ABI2: variants seen among roughly 807,000 people sequenced by gnomAD.
ABI2 encodes abl interactor 2, also known as abelson interactor 2.
ABI2 carries 25 observed loss-of-function variants against 59.2 expected under a neutral mutation model. The observed-to-expected ratio is 0.42, with a 90% CI of 0.31 to 0.59. ABI2 has a LOEUF of 0.59. Among genes scored for constraint, ABI2 ranks in the 20% least tolerant of loss-of-function variants. The pLI is 0.14. For missense variants in ABI2, 545 were observed against 681.8 expected (o/e 0.80, Z 2.23); for synonymous variants, 213 against 235.5 (o/e 0.90, Z 0.87).
At chr2:203,372,570 C>A (rs1023273966) in intron 2 of ABI2, among the ~76,000 whole-genome samples, 1 of 150,250 alleles carries the variant, frequency 6.7e-6, no homozygotes, top group African/African-American at 2.5e-5. Flanking sequence ...GACCCCCCCA[C>A]CTCCCTCCCG....
At chr2:203,424,245 A>G (rs2098341242) in intron 11 of ABI2, among the ~76,000 whole-genome samples, 1 of 152,228 alleles carries the variant, frequency 6.6e-6, no homozygotes, top group Non-Finnish European at 1.5e-5. Context: ...AGTTACTTTG[A>G]TAAAAGTTTG....
At position 203,427,543 on chromosome 2, in the gene ABI2, A is replaced by G. The variant is rs887846985; in HGVS notation, c.*191A>G. The G allele has an allele frequency of 2.4e-5, 13 of 542,760 alleles. No individual in the cohort carries two copies. Among genetic ancestry groups the G allele is most frequent in the Admixed American group, 9.3e-5 (3 of 32,244 alleles). 33.6% of individuals were successfully genotyped at this position (542,760 alleles called of 1,614,324 possible). A position where few individuals can be genotyped will look rare whatever the true frequency, so the allele number is the denominator to read the frequency against. ...GTCTGAACAAATGGATCTTTCTGCCATCATTTGTACAATGCTGAGCTGTCT... is the reference window on the plus strand; with the variant it reads ...GTCTGAACAAATGGATCTTTCTGCCGTCATTTGTACAATGCTGAGCTGTCT... On this transcript the variant is annotated 3_prime_UTR_variant, in exon 12 of 12. Coordinates refer to ENST00000261018, the MANE Select transcript of ABI2 (RefSeq NM_001375670.1).
intron 2 of ABI2, among the ~76,000 whole-genome samples, chr2:203,370,003 A>G (rs1025894110): frequency 1.3e-5 from 2 of 152,168 alleles, no homozygotes; most frequent in African/African-American, 2.4e-5. Flanking sequence ...TCAGACTGGA[A>G]TATTATTCTC....
Position 203,331,348 on chromosome 2 carries a change from C to CTTTT in ABI2, c.117+2734_117+2737dup, listed in dbSNP as rs201209202. 2.2e-4 allele frequency among the ~76,000 whole-genome samples: 19 copies of CTTTT among 85,304 alleles called. 9 individuals are homozygous for CTTTT. The highest frequency in any genetic ancestry group is 3.6e-4 in the Non-Finnish European group (17 of 47,496). The allele number at this position is 85,304 out of a possible 152,430, so 56.0% of individuals were successfully genotyped here. ...TCAGTGATCAAATGGTCAATTTAGCCTTTTTTTTTTTTTTTTTTTTCTGAG... is the reference window on the plus strand; with the variant it reads ...TCAGTGATCAAATGGTCAATTTAGCCTTTTTTTTTTTTTTTTTTTTTTTTCTGAG... On this transcript the variant is annotated intron_variant, in intron 1 of 11. Coordinates refer to ENST00000261018, the MANE Select transcript of ABI2 (RefSeq NM_001375670.1).
At chr2:203,379,666 T>TA (rs1578113838) in intron 2 of ABI2, among the ~76,000 whole-genome samples, 2 of 152,336 alleles carry the variant, frequency 1.3e-5, no homozygotes, top group South Asian at 4.1e-4. Context: ...TCTTAATCAC[T>TA]ATATTAGTCT....
At chr2:203,393,229 A>G (rs1426562497) in intron 5 of ABI2, among the ~76,000 whole-genome samples, 1 of 152,006 alleles carries the variant, frequency 6.6e-6, no homozygotes, top group East Asian at 1.9e-4. Flanking sequence ...TAATTTTTGT[A>G]TTTTTAGTAG....
intron 1 of ABI2, among the ~76,000 whole-genome samples, chr2:203,348,415 A>G (rs952947063): frequency 1.3e-5 from 2 of 152,210 alleles, no homozygotes; most frequent in Admixed American, 6.5e-5. Context: ...TTAAGATGCA[A>G]TGGTGGAAAA....
At chr2:203,394,357 A>G (rs937345323) in intron 5 of ABI2, 1 of 193,584 alleles carries the variant, frequency 5.2e-6, no homozygotes, top group African/African-American at 2.4e-5. Flanking sequence ...CAGTTGGGAG[A>G]CTTTAATATG....
chr2:203,418,261 G>T (rs1044689611), intron 11 of ABI2, among the ~76,000 whole-genome samples: 1 of 152,200 alleles, frequency 6.6e-6, no homozygotes, highest in Non-Finnish European at 1.5e-5. Flanking sequence ...GTTGTGTATT[G>T]CTACCTAACA....
chr2:203,373,262 A>G (rs959589786), intron 2 of ABI2, among the ~76,000 whole-genome samples: 1 of 152,186 alleles, frequency 6.6e-6, no homozygotes, highest in African/African-American at 2.4e-5. Context: ...GGAGCTGGAG[A>G]CCAGCCCGGC....
intron 1 of ABI2, among the ~76,000 whole-genome samples, chr2:203,336,160 T>C (rs1221458300): frequency 6.6e-6 from 1 of 152,238 alleles, no homozygotes; most frequent in East Asian, 1.9e-4. Flanking sequence ...TGAGTAATAT[T>C]CTAGAGTATG....
At chr2:203,379,816 T>C (rs1168180573) in intron 2 of ABI2, among the ~76,000 whole-genome samples, 1 of 152,190 alleles carries the variant, frequency 6.6e-6, no homozygotes, top group African/African-American at 2.4e-5. Flanking sequence ...GCCATTACAG[T>C]GTAAAGCCTA....
chr2:203,383,457 T>C (rs1368960412), intron 4 of ABI2, among the ~76,000 whole-genome samples: 1 of 152,172 alleles, frequency 6.6e-6, no homozygotes, highest in Non-Finnish European at 1.5e-5. Context: ...ACCATTGATG[T>C]GTTAACCTCC....
At chr2:203,342,098 T>G in intron 1 of ABI2, 1 of 407,930 alleles carries the variant, frequency 2.5e-6, no homozygotes, top group Non-Finnish European at 4.9e-6. Context: ...TGTCCTCATT[T>G]CTTAGTGTTC....
intron 9 of ABI2, among the ~76,000 whole-genome samples, chr2:203,411,074 T>A (rs1405681563): frequency 4.6e-5 from 7 of 151,984 alleles, no homozygotes; most frequent in Admixed American, 4.6e-4. Context: ...AAATGCCTCC[T>A]GTTGTGATTT....
rs562157519 is a variant in ABI2, at chr2:203,341,718, A to C, written c.117+13087A>C. Among the ~76,000 whole-genome samples the C allele has an allele frequency of 4.5e-4, 69 of 152,324 alleles. 1 individual carries two copies. In the East Asian group the frequency reaches 9.1e-3, roughly 20 times the overall value. On this transcript the variant is annotated intron_variant, in intron 1 of 11. Coordinates refer to ENST00000261018, the MANE Select transcript of ABI2 (RefSeq NM_001375670.1). ...GAGCGAGACTCCATCTCAAAAAAAAACAAAAGAAATTAGTTTTGCAAATTT... is the reference window on the plus strand; with the variant it reads ...GAGCGAGACTCCATCTCAAAAAAAACCAAAAGAAATTAGTTTTGCAAATTT...
At chr2:203,340,180 A>C (rs1030472123) in intron 1 of ABI2, among the ~76,000 whole-genome samples, 6 of 152,338 alleles carry the variant, frequency 3.9e-5, no homozygotes, top group Admixed American at 3.3e-4. Context: ...ATGAACCCAT[A>C]GAATGAAGCA....
chr2:203,355,920 G>C (rs2091754608), intron 1 of ABI2, among the ~76,000 whole-genome samples: 2 of 150,042 alleles, frequency 1.3e-5, no homozygotes, highest in Admixed American at 1.3e-4. Flanking sequence ...ACTAGATGTA[G>C]AATTATAGAT....
At position 203,328,613 on chromosome 2, in the gene ABI2, C is replaced by T. The variant is rs2070042278; in HGVS notation, c.99C>T (p.Cys33=). 6.2e-7 allele frequency: 1 copy of T among 1,602,414 alleles called. No homozygotes were observed. The highest frequency in any genetic ancestry group is 8.5e-7 in the Non-Finnish European group (1 of 1,174,696). ...YTNLERVADY[C]ENNYIQSADK... is the part of the protein sequence containing the mutation. ...ATCTGGAACGGGTGGCCGATTACTG[C>T]GAGAACAACTACATACAGGTGCGAA... The change falls in exon 1 of 12, where the codon TGC becomes TGT. Residue 33 remains cysteine (C), a synonymous_variant. Transcript: ENST00000261018.
Sources: gnomAD v4.1 joint callset for allele counts (sites outside exome capture counted in the v4.1 genomes callset) on GRCh38, gnomAD v4.1.1 for gene constraint, MANE v1.5 for transcripts, NCBI Gene and HGNC (gene_info 2026-07-23, HGNC 2026-07-21) for gene names.